Variants in ANXA10 observed in about 807,000 individuals in gnomAD.
The protein encoded by ANXA10 is annexin 14.
A neutral mutation model predicts 53.5 loss-of-function variants in ANXA10; 49 were observed. The observed-to-expected ratio is 0.92, with a 90% confidence interval of 0.73 to 1.16. The LOEUF (loss-of-function observed/expected upper bound fraction) is 1.16, where lower values mean the gene tolerates loss of function less well. Ranked by LOEUF, ANXA10 falls within the 50% of genes most tolerant of loss-of-function variation. The pLI is 0.00. For synonymous variants in ANXA10, 131 were observed against 128.9 expected, an observed-to-expected ratio of 1.02 and a Z score of -0.11; for missense variants, 393 against 394.4, an observed-to-expected ratio of 1.00 and a Z score of 0.03.
intron 6 of ANXA10, among the ~76,000 whole-genome samples, chr4:168,173,304 G>A (rs545824114): frequency 1.3e-5 from 2 of 152,298 alleles, no homozygotes; most frequent in African/African-American, 4.8e-5. Context: ...CAAAGGAAAT[G>A]TACTATAATA....
chr4:168,138,872 G>A (rs1560969032), intron 2 of ANXA10, among the ~76,000 whole-genome samples: 1 of 152,072 alleles, frequency 6.6e-6, no homozygotes, highest in Non-Finnish European at 1.5e-5. Flanking sequence ...ATGGAATTGA[G>A]TTCTTGATTT....
chr4:168,139,074 T>A (rs1252748405), intron 2 of ANXA10, among the ~76,000 whole-genome samples: 2 of 152,110 alleles, frequency 1.3e-5, no homozygotes, highest in Non-Finnish European at 2.9e-5. Context: ...CTTTTCCAAT[T>A]TGGGTGTTTT....
intron 3 of ANXA10, among the ~76,000 whole-genome samples, chr4:168,154,171 A>G (rs2149474879): frequency 6.6e-6 from 1 of 152,278 alleles, no homozygotes; most frequent in African/African-American, 2.4e-5. Flanking sequence ...GATCAAATAA[A>G]TGTGACTAAA....
chr4:168,158,110 C>T (rs1344769533), intron 3 of ANXA10, among the ~76,000 whole-genome samples: 1 of 152,188 alleles, frequency 6.6e-6, no homozygotes, highest in Non-Finnish European at 1.5e-5. Flanking sequence ...TATTATCAGT[C>T]TTTTAATTTT....
At chr4:168,140,866 C>T (rs1237130284) in intron 3 of ANXA10, among the ~76,000 whole-genome samples, 2 of 152,172 alleles carry the variant, frequency 1.3e-5, no homozygotes, top group Non-Finnish European at 2.9e-5. Context: ...GTGGTCTGCC[C>T]ACCTCGGCCT....
intron 3 of ANXA10, among the ~76,000 whole-genome samples, chr4:168,140,624 T>C (rs1486810169): frequency 6.6e-6 from 1 of 152,086 alleles, no homozygotes. Context: ...ATGTCTTTTT[T>C]TTTTTTTCTT....
chr4:168,125,361 C>T (rs993308247), intron 1 of ANXA10, among the ~76,000 whole-genome samples: 1 of 152,112 alleles, frequency 6.6e-6, no homozygotes, highest in Non-Finnish European at 1.5e-5. Flanking sequence ...TTCAAACATA[C>T]TGAATTATCC....
chr4:168,169,315 C>T (rs975976626), intron 6 of ANXA10, among the ~76,000 whole-genome samples: 1 of 152,078 alleles, frequency 6.6e-6, no homozygotes, highest in South Asian at 2.1e-4. Context: ...CAACAGTTTC[C>T]ACTCAGAGAT....
intron 2 of ANXA10, among the ~76,000 whole-genome samples, chr4:168,132,098 C>T (rs576669743): frequency 6.6e-6 from 1 of 152,116 alleles, no homozygotes; most frequent in East Asian, 1.9e-4. Context: ...GTGAGTTATA[C>T]CATGTGATCC....
chr4:168,142,737 T>C (rs1219675619), intron 3 of ANXA10, among the ~76,000 whole-genome samples: 1 of 152,144 alleles, frequency 6.6e-6, no homozygotes, highest in African/African-American at 2.4e-5. Flanking sequence ...TAAAGGTGCA[T>C]CTAACTACAA....
intron 3 of ANXA10, among the ~76,000 whole-genome samples, chr4:168,140,545 A>G (rs1242501667): frequency 6.6e-6 from 1 of 152,230 alleles, no homozygotes; most frequent in Non-Finnish European, 1.5e-5. Flanking sequence ...TTGAAAGAGA[A>G]TATAAAAACT....
intron 1 of ANXA10, among the ~76,000 whole-genome samples, chr4:168,121,353 T>C (rs1168372385): frequency 6.6e-6 from 1 of 152,130 alleles, no homozygotes; most frequent in Admixed American, 6.5e-5. Flanking sequence ...CTTGAATCCA[T>C]TGTGTATACG....
intron 1 of ANXA10, 24 bp from the exon 2 acceptor site, chr4:168,128,060 C>T (rs376927786): frequency 6.3e-7 from 1 of 1,582,806 alleles, no homozygotes; most frequent in African/African-American, 1.3e-5. Context: ...ATTACAATCA[C>T]TTTCTCATTG....
intron 2 of ANXA10, among the ~76,000 whole-genome samples, chr4:168,138,366 G>A (rs868459175): frequency 2.6e-5 from 4 of 151,826 alleles, no homozygotes; most frequent in African/African-American, 9.7e-5. Context: ...TTTTTCATAT[G>A]TTTGGTGGCT....
At chr4:168,106,926 T>C (rs1360316821) in intron 1 of ANXA10, among the ~76,000 whole-genome samples, 1 of 152,156 alleles carries the variant, frequency 6.6e-6, no homozygotes, top group East Asian at 1.9e-4. Flanking sequence ...ATAAAATGCA[T>C]TACATATAAA....
chr4:168,133,516 G>T (rs780266196), intron 2 of ANXA10, among the ~76,000 whole-genome samples: 4 of 151,978 alleles, frequency 2.6e-5, no homozygotes. Context: ...GTGTTGGGTG[G>T]CAGGTTAGAA....
rs185195377 is a variant in ANXA10 at position 168,160,245 on chromosome 4, G to A, written c.196-2283G>A. ...CCCGCCCCCAACAGGCCCAGTGTGT[G>A]TTGTTCTCCTCCATGTGTCCATGTG... On this transcript the variant is annotated intron_variant, in intron 3 of 11. Transcript: ENST00000359299. Among the ~76,000 whole-genome samples, 80 of 152,070 alleles carry A rather than the reference G, an allele frequency of 5.3e-4. 1 individual carries two copies. Among genetic ancestry groups the A allele is most frequent in the Non-Finnish European group, 4.0e-4 (27 of 67,998 alleles).
At position 168,123,022 on chromosome 4, in the gene ANXA10, A is replaced by C. The variant is rs572634906; in HGVS notation, c.19-5062A>C. On this transcript the variant is annotated intron_variant, in intron 1 of 11. Coordinates refer to ENST00000359299, the MANE Select transcript of ANXA10 (RefSeq NM_007193.5). ...ATTATTTCAAATCGAATACACTACT[A>C]TTAATAAAATTACACTGCACAAAAT... 5.3e-5 allele frequency among the ~76,000 whole-genome samples: 8 copies of C among 152,346 alleles called. No homozygotes were observed. In the East Asian group the frequency reaches 1.3e-3, roughly 26 times the overall value.
At chr4:168,153,438 A>AC (rs1365766302) in intron 3 of ANXA10, among the ~76,000 whole-genome samples, 16 of 52,744 alleles carry the variant, frequency 3.0e-4, no homozygotes, top group Non-Finnish European at 7.1e-4. Flanking sequence ...AAAAAAAAAA[A>AC]AAACAAAAAC....
Sources: allele counts gnomAD v4.1 joint callset (sites outside exome capture counted in the v4.1 genomes callset), GRCh38; gene constraint gnomAD v4.1.1; transcripts MANE v1.5; gene names NCBI Gene and HGNC (gene_info 2026-07-23, HGNC 2026-07-21).